KCNG3: variants seen among roughly 807,000 people sequenced by gnomAD.
The protein encoded by KCNG3 is voltage-gated potassium channel regulatory subunit KCNG3.
In KCNG3, 15 loss-of-function variants were observed where a neutral mutation model predicts 29.0. The ratio of observed to expected loss-of-function variants is 0.52; its 90% confidence interval spans 0.35 to 0.80. The LOEUF (loss-of-function observed/expected upper bound fraction) is 0.80. Ranked by LOEUF, KCNG3 falls within the 30% of genes least tolerant of loss-of-function variation. The pLI is 0.01. For missense variants in KCNG3, 512 were observed against 605.7 expected (o/e 0.85, Z 1.62); for synonymous variants, 322 against 248.9 (o/e 1.29, Z -2.76).
chr2:42,390,406 G>C, the KCNG3 span, among the ~76,000 whole-genome samples: 1 of 152,278 alleles, frequency 6.6e-6, no homozygotes, highest in African/African-American at 2.4e-5. Context: ...GTGAAAGATT[G>C]GCTTCATTTT....
At chr2:42,429,147 A>C in the KCNG3 span, among the ~76,000 whole-genome samples, 1 of 114,614 alleles carries the variant, frequency 8.7e-6, no homozygotes, top group Non-Finnish European at 1.9e-5. Context: ...ACAAACAAAC[A>C]AAAAAAAAAC....
chr2:42,489,978 C>G (rs528158294), intron 1 of KCNG3, among the ~76,000 whole-genome samples: 196 of 152,340 alleles, frequency 1.3e-3, no homozygotes, highest in African/African-American at 4.4e-3. Context: ...TTCCCTCTCT[C>G]CAAATCACAG....
At chr2:42,450,571 G>A (rs368682422) in intron 1 of KCNG3, among the ~76,000 whole-genome samples, 4 of 152,292 alleles carry the variant, frequency 2.6e-5, no homozygotes, top group East Asian at 1.9e-4. Context: ...CTTTGAAGCC[G>A]ATTCTGATTT....
chr2:42,472,943 C>T (rs1234860942), intron 1 of KCNG3, among the ~76,000 whole-genome samples: 1 of 145,960 alleles, frequency 6.9e-6, no homozygotes, highest in Non-Finnish European at 1.5e-5. Context: ...GCTCTGTTGC[C>T]CAGGCTGGAG....
At chr2:42,454,540 C>A (rs759708642) in intron 1 of KCNG3, among the ~76,000 whole-genome samples, 1 of 152,050 alleles carries the variant, frequency 6.6e-6, no homozygotes, top group Admixed American at 6.6e-5. Flanking sequence ...GGCAAAACCT[C>A]GTCTCTACTA....
the KCNG3 span, among the ~76,000 whole-genome samples, chr2:42,401,187 TAC>T: frequency 6.7e-6 from 1 of 149,610 alleles, no homozygotes; most frequent in Non-Finnish European, 1.5e-5. Flanking sequence ...TTTATATGTA[TAC>T]ACACACAGAA....
At chr2:42,441,566 A>C (rs1281798289), downstream of KCNG3, among the ~76,000 whole-genome samples, 1 of 151,902 alleles carries the variant, frequency 6.6e-6, no homozygotes, top group Non-Finnish European at 1.5e-5. Context: ...TGGGTAGCTT[A>C]ACTGCCACTA....
At chr2:42,465,643 A>T (rs1341648063) in intron 1 of KCNG3, among the ~76,000 whole-genome samples, 1 of 152,206 alleles carries the variant, frequency 6.6e-6, no homozygotes, top group African/African-American at 2.4e-5. Context: ...CTTCACCAAA[A>T]TTTAAAACTT....
At chr2:42,422,826 A>T in the KCNG3 span, among the ~76,000 whole-genome samples, 1 of 152,182 alleles carries the variant, frequency 6.6e-6, no homozygotes, top group African/African-American at 2.4e-5. Context: ...ATAAGCGCCT[A>T]GTTGCTGAAA....
Position 42,493,021 on chromosome 2 carries a change from A to G in KCNG3, c.481T>C (p.Phe161Leu). The change falls in exon 1 of 2, where the codon TTC (phenylalanine) becomes CTC (leucine). Residue 161 changes from phenylalanine to leucine, a missense_variant. Around this residue, in one of 5 missense-constraint regions of KCNG3, gnomAD observed 228 missense variants for 200.0 expected, o/e 1.14. Coordinates refer to ENST00000306078, the MANE Select transcript of KCNG3 (RefSeq NM_133329.6). ...RRWLERMRRTFEEPTSSLAAQ... is the reference protein window; with the variant it reads ...RRWLERMRRTLEEPTSSLAAQ... The stretch of plus-strand genomic sequence containing the variant: ...GCCAGCGACGACGTGGGCTCCTCGA[A>G]GGTCCGCCGCATGCGCTCCAGCCAG... The G allele has an allele frequency of 1.3e-6, 2 of 1,522,990 alleles. No homozygotes were observed. Among genetic ancestry groups the G allele is most frequent in the Non-Finnish European group, 1.8e-6 (2 of 1,139,778 alleles). The allele number at this position is 1,522,990 out of a possible 1,614,324, so 94.3% of individuals were successfully genotyped here. A position where few individuals can be genotyped will look rare whatever the true frequency, so the allele number is the denominator to read the frequency against.
chr2:42,399,572 T>C, the KCNG3 span, among the ~76,000 whole-genome samples: 5 of 152,260 alleles, frequency 3.3e-5, no homozygotes, highest in Non-Finnish European at 5.9e-5. Flanking sequence ...AGGAAACACA[T>C]GCAGAATTTA....
intron 1 of KCNG3, 45 bp downstream of exon 1, chr2:42,492,792 A>G: frequency 2.1e-6 from 3 of 1,404,024 alleles, no homozygotes; most frequent in Non-Finnish European, 2.8e-6. Context: ...GGACGGACAG[A>G]CGCGACAGGA....
Position 42,443,841 on chromosome 2 carries a change from CCACTGCAGTGCT to C in KCNG3, c.*81_*92del. On this transcript the variant is annotated 3_prime_UTR_variant, in exon 2 of 2. Coordinates refer to ENST00000306078, the MANE Select transcript of KCNG3 (RefSeq NM_133329.6). ...TTACCCTACCAAGATGATGACAATG[CCACTGCAGTGCT>C]CACCCAGCAAGAAACACATAAATAT... The C allele has an allele frequency of 8.4e-7, 1 of 1,189,944 alleles. No homozygotes were observed. Among genetic ancestry groups the C allele is most frequent in the Non-Finnish European group, 1.2e-6 (1 of 837,518 alleles). The allele number at this position is 1,189,944 out of a possible 1,614,324, so 73.7% of individuals were successfully genotyped here. A position where few individuals can be genotyped will look rare whatever the true frequency, so the allele number is the denominator to read the frequency against.
intron 1 of KCNG3, among the ~76,000 whole-genome samples, chr2:42,482,036 C>T (rs997910930): frequency 6.6e-6 from 1 of 152,168 alleles, no homozygotes; most frequent in East Asian, 1.9e-4. Flanking sequence ...GTTGCCCAGG[C>T]TGGCTTCAAA....
chr2:42,469,944 C>A (rs1260355333), intron 1 of KCNG3: 11 of 364,832 alleles, frequency 3.0e-5, no homozygotes, highest in African/African-American at 2.1e-4. Flanking sequence ...GCCAACAAGG[C>A]CTGACTCCTT....
At chr2:42,425,518 G>A in the KCNG3 span, among the ~76,000 whole-genome samples, 43,110 of 151,774 alleles carry the variant, frequency 0.28, 6,607 homozygotes, top group East Asian at 0.57. Context: ...GGAGGATCAT[G>A]TGGTCTTTTT....
At chr2:42,409,680 G>A in the KCNG3 span, among the ~76,000 whole-genome samples, 3 of 130,540 alleles carry the variant, frequency 2.3e-5, no homozygotes, top group South Asian at 5.1e-4. Context: ...CTTCAGCCTG[G>A]GTGACAGAGT....
At chr2:42,401,230 T>C in the KCNG3 span, among the ~76,000 whole-genome samples, 3 of 149,756 alleles carry the variant, frequency 2.0e-5, no homozygotes, top group Admixed American at 2.0e-4. Context: ...TATACACATA[T>C]GAAAATACAG....
At position 42,493,666 on chromosome 2, in the gene KCNG3, G is replaced by A; in HGVS notation, c.-165C>T. 2.1e-6 allele frequency: 1 copy of A among 482,438 alleles called. No homozygotes were observed. Among genetic ancestry groups the A allele is most frequent in the Non-Finnish European group, 3.2e-6 (1 of 311,648 alleles). The allele number at this position is 482,438 out of a possible 1,614,324, so 29.9% of individuals were successfully genotyped here. A position where few individuals can be genotyped will look rare whatever the true frequency, so the allele number is the denominator to read the frequency against. On this transcript the variant is annotated 5_prime_UTR_variant, in exon 1 of 2. Transcript: ENST00000306078. The stretch of plus-strand genomic sequence containing the variant: ...CCCTCCGCTGGCCCGGGGGTCCCTG[G>A]GCTCGAGTATCTCCGGCGCTGCTAG...
Sources: allele counts gnomAD v4.1 joint callset (sites outside exome capture counted in the v4.1 genomes callset), GRCh38; gene constraint gnomAD v4.1.1; regional missense constraint gnomAD v4.1.1; transcripts MANE v1.5; gene names NCBI Gene and HGNC (gene_info 2026-07-23, HGNC 2026-07-21).